CCDC71: variants seen among roughly 807,000 people sequenced by gnomAD.
CCDC71 encodes the protein coiled-coil domain containing 71, also known as coiled-coil domain-containing protein 71.
For missense variants in CCDC71, 594 were observed against 604.0 expected (o/e 0.98, Z 0.17); for synonymous variants, 257 against 242.2 (o/e 1.06, Z -0.57).
In CCDC71 at chr3:49,162,966, A is replaced by C. The variant is rs773728518; in HGVS notation, c.1243T>G (p.Trp415Gly). The change falls in exon 2 of 2, where the codon TGG (tryptophan) becomes GGG (glycine). Residue 415 changes from tryptophan (W) to glycine (G), a missense_variant. Transcript: ENST00000321895. ...TRLGPRSPKA[W>G]LGPGTAKLLK... Reference sequence around the variant, plus strand: ...AGCTTTGCTGTTCCAGGCCCTAGCCATGCCTTAGGAGATCGGGGCCCAAGC... The same window carrying C: ...AGCTTTGCTGTTCCAGGCCCTAGCCCTGCCTTAGGAGATCGGGGCCCAAGC... 4 of 1,614,254 alleles carry C rather than the reference A, an allele frequency of 2.5e-6. No homozygotes were observed. Among genetic ancestry groups the C allele is most frequent in the Non-Finnish European group, 3.4e-6 (4 of 1,180,038 alleles).
chr3:49,164,989 G>C (rs1352635438), intron 1 of CCDC71, among the ~76,000 whole-genome samples: 1 of 152,156 alleles, frequency 6.6e-6, no homozygotes, highest in African/African-American at 2.4e-5. Context: ...GAGCTGGAGT[G>C]GGGTGGGGGA....
In CCDC71 at chr3:49,162,703, C is replaced by T. The variant is rs1044041484; in HGVS notation, c.*102G>A. 4.3e-6 allele frequency: 5 copies of T among 1,164,842 alleles called. No homozygotes were observed. The highest frequency in any genetic ancestry group is 3.5e-5 in the East Asian group (1 of 28,474). 72.2% of individuals were successfully genotyped at this position (1,164,842 alleles called of 1,614,324 possible). On this transcript the variant is annotated 3_prime_UTR_variant, in exon 2 of 2. Transcript: ENST00000321895. ...GGTCACCAGGGCCCTAGAGAGGCACCGGGAGTCCTCAAGATTGTGGAGTCC... is the reference window on the plus strand; with the variant it reads ...GGTCACCAGGGCCCTAGAGAGGCACTGGGAGTCCTCAAGATTGTGGAGTCC...
chr3:49,164,216 G>C lies in CCDC71; in HGVS notation c.-8C>G. ...CTGAACCACCACACTCATGGCATTAGGCACTGCAGATCTGCCTGGGTATCC... is the reference window on the plus strand; with the variant it reads ...CTGAACCACCACACTCATGGCATTACGCACTGCAGATCTGCCTGGGTATCC... On this transcript the variant is annotated 5_prime_UTR_variant, in exon 2 of 2. Coordinates refer to ENST00000321895, the MANE Select transcript of CCDC71 (RefSeq NM_022903.4). The C allele has an allele frequency of 6.2e-7, 1 of 1,602,834 alleles. No individual in the cohort carries two copies. Among genetic ancestry groups the C allele is most frequent in the Non-Finnish European group, 8.5e-7 (1 of 1,171,706 alleles).
At position 49,163,874 on chromosome 3, in the gene CCDC71, C is replaced by A; in HGVS notation, c.335G>T (p.Gly112Val). 5.6e-6 allele frequency: 9 copies of A among 1,614,130 alleles called. No individual in the cohort carries two copies. Among genetic ancestry groups the A allele is most frequent in the Non-Finnish European group, 7.6e-6 (9 of 1,180,028 alleles). The change falls in exon 2 of 2, where the codon GGT (glycine) becomes GTT (valine). Residue 112 changes from glycine (G) to valine (V), a missense_variant. Transcript: ENST00000321895. Reference protein sequence around the residue: ...APRTAMRLPAGRATLLPMPLS... With the variant: ...APRTAMRLPAVRATLLPMPLS... ...CGGCATGGGAAGCAGTGTGGCCCGA[C>A]CTGCAGGCAACCGCATGGCAGTTCG... is the stretch of plus-strand genomic sequence containing the variant.
chr3:49,164,002 A>G lies in CCDC71; in HGVS notation c.207T>C (p.Asp69=). The change falls in exon 2 of 2, where the codon GAT becomes GAC. Residue 69 remains aspartate (D), a synonymous_variant. Coordinates refer to ENST00000321895, the MANE Select transcript of CCDC71 (RefSeq NM_022903.4). The part of the protein sequence containing the change: ...GFQPTILRSG[D]VYGYSSCTAN... ...CTGTGCATGAACTATAGCCATAGACATCACCACTGCGCAGGATGGTAGGTT... is the reference window on the plus strand; with the variant it reads ...CTGTGCATGAACTATAGCCATAGACGTCACCACTGCGCAGGATGGTAGGTT... 2 of 1,614,202 alleles carry G rather than the reference A, an allele frequency of 1.2e-6. No individual in the cohort carries two copies. Among genetic ancestry groups the G allele is most frequent in the Non-Finnish European group, 1.7e-6 (2 of 1,180,042 alleles).
rs779879420 is a variant in CCDC71 at position 49,162,760 on chromosome 3, C to A, written c.*45G>T. The A allele has an allele frequency of 1.3e-6, 2 of 1,578,130 alleles. No homozygotes were observed. Among genetic ancestry groups the A allele is most frequent in the East Asian group, 2.3e-5 (1 of 44,194 alleles). On this transcript the variant is annotated 3_prime_UTR_variant, in exon 2 of 2. Transcript: ENST00000321895. Reference sequence around the variant, plus strand: ...ATAGCACACTGTGCCACTAGCCACACAGACAGCTGGGCTTAGTTTCCCCAA... The same window carrying A: ...ATAGCACACTGTGCCACTAGCCACAAAGACAGCTGGGCTTAGTTTCCCCAA...
In CCDC71 at chr3:49,163,144, C is replaced by CACCTTG. The variant is rs2045701320; in HGVS notation, c.1059_1064dup (p.Lys354_Val355dup). The CACCTTG allele has an allele frequency of 6.8e-6, 11 of 1,613,290 alleles. No individual in the cohort carries two copies. The East Asian group carries it at 2.5e-4, about 36-fold the overall frequency. ...CTCTGCCCCTGGGCTGGGTCCGAGC[C>CACCTTG]ACCTTGGCCTTGGCCCGTACTGCCT... is the stretch of plus-strand genomic sequence containing the variant. On this transcript the variant is annotated inframe_insertion, in exon 2 of 2. Coordinates refer to ENST00000321895, the MANE Select transcript of CCDC71 (RefSeq NM_022903.4).
At position 49,163,917 on chromosome 3, in the gene CCDC71, G is replaced by A; in HGVS notation, c.292C>T (p.Pro98Ser). ...ARAPNPTATS[P>S]PASAPRTAMR... ...GCAGTTCGGGGAGCACTGGCTGGAG[G>A]TGATGTGGCAGTTGGGTTAGGGGCA... is the stretch of plus-strand genomic sequence containing the variant. The change falls in exon 2 of 2, where the codon CCT becomes TCT. Residue 98 changes from proline (P) to serine (S), a missense_variant. Transcript: ENST00000321895. The A allele has an allele frequency of 1.2e-6, 2 of 1,614,232 alleles. No individual in the cohort carries two copies. The highest frequency in any genetic ancestry group is 1.3e-5 in the African/African-American group (1 of 75,078).
At position 49,163,159 on chromosome 3, in the gene CCDC71, C is replaced by T; in HGVS notation, c.1050G>A (p.Arg350=). The T allele has an allele frequency of 1.9e-6, 3 of 1,581,954 alleles. No individual in the cohort carries two copies. Among genetic ancestry groups the T allele is most frequent in the Non-Finnish European group, 2.6e-6 (3 of 1,156,288 alleles). Residue 350 remains arginine (R), a synonymous_variant, in exon 2 of 2, where the codon CGG becomes CGA. Coordinates refer to ENST00000321895, the MANE Select transcript of CCDC71 (RefSeq NM_022903.4). ...GGGTCCGAGCCACCTTGGCCTTGGC[C>T]CGTACTGCCTTGGCTTTAGCCTTGG... ...AKAKAKAKAV[R]AKAKVARTQP...
chr3:49,165,192 G>C (rs182732170), intron 1 of CCDC71, among the ~76,000 whole-genome samples: 1 of 152,332 alleles, frequency 6.6e-6, no homozygotes, highest in Non-Finnish European at 1.5e-5. Flanking sequence ...CAGGAAGCCA[G>C]ACCAAGATCC....
chr3:49,163,689 G>A lies in CCDC71; in HGVS notation c.520C>T (p.Arg174Trp), dbSNP rs372738648. The A allele has an allele frequency of 2.5e-6, 4 of 1,613,954 alleles. No homozygotes were observed. The highest frequency in any genetic ancestry group is 2.2e-5 in the East Asian group (1 of 44,886). ...AGGGCCTCAAGGACAACAGAGAGCCGCATGGCAGGGTAGACACCTGGATAA... is the reference window on the plus strand; with the variant it reads ...AGGGCCTCAAGGACAACAGAGAGCCACATGGCAGGGTAGACACCTGGATAA... ...HLYPGVYPAM[R>W]LSVVLEALVP... Residue 174 changes from arginine (R) to tryptophan (W), a missense_variant, in exon 2 of 2, where the codon CGG becomes TGG. By Grantham distance (101) the Arg-to-Trp change is moderately radical. Transcript: ENST00000321895.
chr3:49,164,985 G>C (rs2045714778), intron 1 of CCDC71, among the ~76,000 whole-genome samples: 1 of 152,168 alleles, frequency 6.6e-6, no homozygotes, highest in Non-Finnish European at 1.5e-5. Flanking sequence ...TGTGGAGCTG[G>C]AGTGGGGTGG....
At position 49,164,167 on chromosome 3, in the gene CCDC71, G is replaced by A; in HGVS notation, c.42C>T (p.His14=). 1.9e-6 allele frequency: 3 copies of A among 1,612,408 alleles called. 1 individual carries two copies. In the Admixed American group the frequency reaches 5.0e-5, roughly 27 times the overall value. Residue 14 remains histidine (H), a synonymous_variant, in exon 2 of 2, where the codon CAC becomes CAT. Transcript: ENST00000321895. The stretch of plus-strand genomic sequence containing the variant: ...CTGCCGTGGAGATGCGCGACCAGGA[G>A]TGCACAGCTTTTTCCTCCACATGCT... ...VVQHVEEKAV[H]SWSRISTAGK... is the part of the protein sequence containing the mutation.
Position 49,162,567 on chromosome 3 carries a change from T to G in CCDC71, c.*238A>C. 1.7e-6 allele frequency: 1 copy of G among 585,444 alleles called. No individual in the cohort carries two copies. The highest frequency in any genetic ancestry group is 3.0e-6 in the Non-Finnish European group (1 of 328,510). 36.3% of individuals were successfully genotyped at this position (585,444 alleles called of 1,614,324 possible). A position where few individuals can be genotyped will look rare whatever the true frequency, so the allele number is the denominator to read the frequency against. On this transcript the variant is annotated 3_prime_UTR_variant, in exon 2 of 2. Coordinates refer to ENST00000321895, the MANE Select transcript of CCDC71 (RefSeq NM_022903.4). ...GTATAAAACGTGATAGATGGAACAG[T>G]AGACATACAACTTGAATAACAAGTC...
In CCDC71 at chr3:49,163,484, T is replaced by C; in HGVS notation, c.725A>G (p.Lys242Arg). 7 of 1,614,258 alleles carry C rather than the reference T, an allele frequency of 4.3e-6. No individual in the cohort carries two copies. Among genetic ancestry groups the C allele is most frequent in the Middle Eastern group, 3.3e-4 (2 of 6,060 alleles). ...TSKGPKCLTR[K>R]GPGAGPRRGS... is the part of the protein sequence containing the mutation. ...TCGTCGGGGTCCAGCCCCAGGGCCT[T>C]TGCGAGTCAGACACTTGGGGCCCTT... The change falls in exon 2 of 2, where the codon AAA (lysine) becomes AGA (arginine). Residue 242 changes from lysine to arginine, a missense_variant. Physicochemically the swap from Lys to Arg is conservative, Grantham distance 26. Transcript: ENST00000321895.
At position 49,162,891 on chromosome 3, in the gene CCDC71, C is replaced by A; in HGVS notation, c.1318G>T (p.Val440Leu). ...AGGATCCGCTGAGCCCGCTGCCGCA[C>A]CTCATCATCCGAGGACCGCCTATCT... ...KVDRRSSDDEVRQRAQRILRV... is the reference protein window; with the variant it reads ...KVDRRSSDDELRQRAQRILRV... Residue 440 changes from valine (V) to leucine (L), a missense_variant, in exon 2 of 2, where the codon GTG (valine) becomes TTG (leucine). Coordinates refer to ENST00000321895, the MANE Select transcript of CCDC71 (RefSeq NM_022903.4). 2 of 1,614,252 alleles carry A rather than the reference C, an allele frequency of 1.2e-6. No homozygotes were observed. Among genetic ancestry groups the A allele is most frequent in the Non-Finnish European group, 1.7e-6 (2 of 1,180,050 alleles).
At position 49,164,017 on chromosome 3, in the gene CCDC71, G is replaced by A. The variant is rs1232052590; in HGVS notation, c.192C>T (p.Ile64=). The A allele has an allele frequency of 5.5e-5, 89 of 1,614,082 alleles. No homozygotes were observed. The highest frequency in any genetic ancestry group is 7.5e-5 in the Non-Finnish European group (89 of 1,180,046). ...AGCCATAGACATCACCACTGCGCAG[G>A]ATGGTAGGTTGGAAGCCATCATCTC... ...GLRDDGFQPT[I]LRSGDVYGYS... Residue 64 remains isoleucine, a synonymous_variant, in exon 2 of 2, where the codon ATC becomes ATT. Coordinates refer to ENST00000321895, the MANE Select transcript of CCDC71 (RefSeq NM_022903.4).
chr3:49,165,943 A>G (rs2045721752), intron 1 of CCDC71, among the ~76,000 whole-genome samples: 1 of 152,180 alleles, frequency 6.6e-6, no homozygotes. Context: ...GACGGAAGAT[A>G]GGGCGTGAGA....
rs770588176 is a variant in CCDC71, at chr3:49,162,929, C to A, written c.1280G>T (p.Arg427Leu). 1.9e-6 allele frequency: 3 copies of A among 1,614,268 alleles called. No homozygotes were observed. Among genetic ancestry groups the A allele is most frequent in the African/African-American group, 1.3e-5 (1 of 75,080 alleles). ...GPGTAKLLKF[R>L]AIKVDRRSSD... is the part of the protein sequence containing the mutation. ...GGACCGCCTATCTACCTTTATGGCACGGAACTTCAGCAGCTTTGCTGTTCC... is the reference window on the plus strand; with the variant it reads ...GGACCGCCTATCTACCTTTATGGCAAGGAACTTCAGCAGCTTTGCTGTTCC... The change falls in exon 2 of 2, where the codon CGT (arginine) becomes CTT (leucine). Residue 427 changes from arginine (R) to leucine (L), a missense_variant. Transcript: ENST00000321895.
Sources: gnomAD v4.1 joint callset for allele counts (sites outside exome capture counted in the v4.1 genomes callset) on GRCh38, gnomAD v4.1.1 for gene constraint, MANE v1.5 for transcripts, NCBI Gene and HGNC (gene_info 2026-07-23, HGNC 2026-07-21) for gene names.